NRG1: variants seen among roughly 807,000 people sequenced by gnomAD.
NRG1 encodes the protein pro-neuregulin-1, membrane-bound isoform.
A neutral mutation model predicts 63.8 loss-of-function variants in NRG1; 18 were observed. That is an observed-to-expected ratio of 0.28 (90% CI 0.19 to 0.42). The LOEUF (loss-of-function observed/expected upper bound fraction) is 0.42, where lower values mean the gene tolerates loss of function less well. NRG1 is among the 10% of genes least tolerant of loss of function. The pLI, the probability that NRG1 is intolerant of heterozygous loss-of-function variation, is 1.00. For synonymous variants in NRG1, 302 were observed against 301.3 expected (o/e 1.00, Z -0.02); for missense variants, 762 against 814.7 (o/e 0.94, Z 0.79).
At chr8:31,893,288 CA>C in intron 1 of NRG1, among the ~76,000 whole-genome samples, 1 of 150,982 alleles carries the variant, frequency 6.6e-6, no homozygotes, top group South Asian at 2.1e-4. Flanking sequence ...CACTATACAC[CA>C]AAATAAATTT....
In NRG1 at chr8:32,678,632, T is replaced by C. The variant is rs201366478; in HGVS notation, c.503-49317T>C. Among the ~76,000 whole-genome samples, 8 of 152,282 alleles carry C rather than the reference T, an allele frequency of 5.3e-5. No homozygotes were observed. The South Asian group carries it at 8.3e-4, about 16-fold the overall frequency. On this transcript the variant is annotated intron_variant, in intron 5 of 11. Coordinates refer to ENST00000356819, the Ensembl canonical transcript of NRG1. ...TGAAATAAGCTCCTGTCTCGATCAATTGCTTCACCTTCTTCAGAGCAATTA... is the reference window on the plus strand; with the variant it reads ...TGAAATAAGCTCCTGTCTCGATCAACTGCTTCACCTTCTTCAGAGCAATTA...
chr8:31,864,293 A>G (rs1008644417), intron 1 of NRG1, among the ~76,000 whole-genome samples: 1 of 152,186 alleles, frequency 6.6e-6, no homozygotes, highest in Non-Finnish European at 1.5e-5. Context: ...TCCTTCCCTC[A>G]TAGAGCTTAC....
intron 1 of NRG1, among the ~76,000 whole-genome samples, chr8:31,666,975 G>C (rs185719480): frequency 2.0e-5 from 3 of 152,296 alleles, no homozygotes; most frequent in Admixed American, 2.0e-4. Flanking sequence ...TGTGAGGCAG[G>C]AACTATTATA....
At chr8:32,148,435 G>T (rs191543881) in intron 1 of NRG1, among the ~76,000 whole-genome samples, 2 of 152,288 alleles carry the variant, frequency 1.3e-5, no homozygotes, top group South Asian at 4.1e-4. Context: ...GTCTAGCTCT[G>T]TTGCTCAGGC....
chr8:31,856,671 TGGA>T (rs1168371929), intron 1 of NRG1, among the ~76,000 whole-genome samples: 1 of 152,240 alleles, frequency 6.6e-6, no homozygotes, highest in African/African-American at 2.4e-5. Context: ...TGCGTTCCTT[TGGA>T]GGAGGAGAGT....
At chr8:32,756,582 C>A (rs757839312) in intron 9 of NRG1, 53 bp downstream of exon 9, 2 of 1,531,934 alleles carry the variant, frequency 1.3e-6, no homozygotes, top group African/African-American at 1.4e-5. Context: ...TTTGTTCAGA[C>A]GCCTTGAAGT....
At chr8:32,741,763 ACTTCACT>A (rs1445588765) in intron 6 of NRG1, among the ~76,000 whole-genome samples, 1 of 152,152 alleles carries the variant, frequency 6.6e-6, no homozygotes, top group Non-Finnish European at 1.5e-5. Context: ...CCACATTTCA[ACTTCACT>A]CTAGTTAAAT....
intron 1 of NRG1, among the ~76,000 whole-genome samples, chr8:32,132,426 A>G (rs1462175209): frequency 1.3e-5 from 2 of 152,074 alleles, no homozygotes; most frequent in Non-Finnish European, 2.9e-5. Flanking sequence ...TTGTACGTTT[A>G]TATAAATGTG....
intron 1 of NRG1, among the ~76,000 whole-genome samples, chr8:32,231,284 G>A (rs1846910419): frequency 1.3e-5 from 2 of 152,112 alleles, no homozygotes; most frequent in Non-Finnish European, 2.9e-5. Context: ...TATCAAATTT[G>A]TGTGCTGTAT....
chr8:32,070,052 GT>G (rs1363788103), intron 1 of NRG1, among the ~76,000 whole-genome samples: 2 of 152,172 alleles, frequency 1.3e-5, no homozygotes, highest in Admixed American at 6.5e-5. Flanking sequence ...TATTTAAGAT[GT>G]CAATAAAAGG....
chr8:32,620,604 C>A (rs1216953602), intron 5 of NRG1, among the ~76,000 whole-genome samples: 1 of 151,196 alleles, frequency 6.6e-6, no homozygotes, highest in East Asian at 1.9e-4. Context: ...GGGAGGATAG[C>A]TTGACACCAG....
At chr8:31,670,387 C>T (rs1407263205) in intron 1 of NRG1, among the ~76,000 whole-genome samples, 6 of 152,130 alleles carry the variant, frequency 3.9e-5, no homozygotes, top group Non-Finnish European at 8.8e-5. Flanking sequence ...CCCAACCTGA[C>T]TTTATCCTTT....
intron 1 of NRG1, among the ~76,000 whole-genome samples, chr8:31,869,407 G>A (rs1034550463): frequency 1.3e-5 from 2 of 152,156 alleles, no homozygotes; most frequent in Non-Finnish European, 2.9e-5. Context: ...TCTAGGTTCA[G>A]AGTCATCTCT....
At chr8:31,693,604 G>A (rs1809757707) in intron 1 of NRG1, among the ~76,000 whole-genome samples, 1 of 152,160 alleles carries the variant, frequency 6.6e-6, no homozygotes, top group African/African-American at 2.4e-5. Flanking sequence ...TCATAAACAT[G>A]TTTATTGTAG....
At chr8:32,499,596 C>A (rs564572558) in intron 1 of NRG1, among the ~76,000 whole-genome samples, 1 of 152,088 alleles carries the variant, frequency 6.6e-6, no homozygotes. Flanking sequence ...ATTGCTTGAG[C>A]CCAGGAGGTC....
chr8:31,763,475 C>T (rs573989683), intron 1 of NRG1, among the ~76,000 whole-genome samples: 1 of 152,336 alleles, frequency 6.6e-6, no homozygotes, highest in African/African-American at 2.4e-5. Context: ...AGCAGGACTT[C>T]TCTGTTTAGC....
chr8:32,499,840 T>C (rs1827651268), intron 1 of NRG1, among the ~76,000 whole-genome samples: 1 of 152,142 alleles, frequency 6.6e-6, no homozygotes. Flanking sequence ...TCCTTTGAAG[T>C]TAGGTTCAGT....
intron 1 of NRG1, among the ~76,000 whole-genome samples, chr8:32,034,271 G>A (rs1302987018): frequency 6.6e-6 from 1 of 152,146 alleles, no homozygotes; most frequent in Non-Finnish European, 1.5e-5. Flanking sequence ...TGCATATGTT[G>A]AACAAGCCTT....
intron 1 of NRG1, among the ~76,000 whole-genome samples, chr8:32,112,186 T>C (rs1585373749): frequency 6.6e-6 from 1 of 152,212 alleles, no homozygotes; most frequent in African/African-American, 2.4e-5. Flanking sequence ...AGATACAGAA[T>C]TTACAATAGT....
Sources: gnomAD v4.1 joint callset for allele counts (sites outside exome capture counted in the v4.1 genomes callset) on GRCh38, gnomAD v4.1.1 for gene constraint, MANE v1.5 for transcripts, NCBI Gene and HGNC (gene_info 2026-07-23, HGNC 2026-07-21) for gene names.